The following TIAM1 variants were observed in gnomAD, a reference collection of about 807,000 sequenced individuals.
The protein encoded by TIAM1 is rho guanine nucleotide exchange factor TIAM1.
In TIAM1, 65 loss-of-function variants were observed where a neutral mutation model predicts 163.5. The observed-to-expected ratio is 0.40, with a 90% CI of 0.33 to 0.49. The LOEUF is 0.49. Ranked by LOEUF, TIAM1 falls within the 20% of genes least tolerant of loss-of-function variation. The probability of loss-of-function intolerance (pLI) is 0.77; values close to 1 mark genes in which losing one functional copy is unlikely to be tolerated. For missense variants in TIAM1, 1,789 were observed against 2,044.7 expected, an observed-to-expected ratio of 0.87 and a Z score of 2.41; for synonymous variants, 833 against 810.1, an observed-to-expected ratio of 1.03 and a Z score of -0.48.
chr21:31,260,109 T>TTTTTTTTTTTCC (rs2072371743), intron 4 of TIAM1, among the ~76,000 whole-genome samples: 1 of 110,782 alleles, frequency 9.0e-6, no homozygotes, highest in Non-Finnish European at 1.9e-5. Flanking sequence ...TAATTTTTCC[T>TTTTTTTTTTTCC]TTTTTTTTTT....
chr21:31,416,403 A>G (rs564894343), intron 2 of TIAM1, among the ~76,000 whole-genome samples: 3 of 152,234 alleles, frequency 2.0e-5, no homozygotes, highest in South Asian at 4.1e-4. Context: ...GATTGCTGAG[A>G]TTTTGGTGCA....
At chr21:31,501,172 G>T (rs560376130) in intron 1 of TIAM1, among the ~76,000 whole-genome samples, 2 of 152,096 alleles carry the variant, frequency 1.3e-5, no homozygotes, top group Non-Finnish European at 2.9e-5. Context: ...TACAGCGAAA[G>T]AAGGACCTTC....
chr21:31,319,734 C>G (rs545055585), intron 2 of TIAM1, among the ~76,000 whole-genome samples: 3 of 145,446 alleles, frequency 2.1e-5, no homozygotes, highest in Admixed American at 7.0e-5. Context: ...GAGCCGAGAT[C>G]GCACCACCAC....
intron 20 of TIAM1, among the ~76,000 whole-genome samples, chr21:31,143,729 CT>C (rs545023367): frequency 1.6e-3 from 229 of 142,934 alleles, no homozygotes; most frequent in Admixed American, 1.6e-3. Context: ...ATTCTTCTGT[CT>C]TTTTTTTTTT....
intron 2 of TIAM1, among the ~76,000 whole-genome samples, chr21:31,313,017 G>A (rs183648018): frequency 6.4e-4 from 98 of 152,202 alleles, no homozygotes; most frequent in East Asian, 2.1e-3. Context: ...CTTAAATTAC[G>A]GCAGCTACTC....
intron 6 of TIAM1, among the ~76,000 whole-genome samples, chr21:31,245,011 A>G (rs571287149): frequency 1.3e-5 from 2 of 152,344 alleles, no homozygotes; most frequent in South Asian, 4.1e-4. Flanking sequence ...AGTTCTGATC[A>G]GATGAGGAAG....
At chr21:31,353,511 C>T (rs1478695993) in intron 2 of TIAM1, among the ~76,000 whole-genome samples, 1 of 152,186 alleles carries the variant, frequency 6.6e-6, no homozygotes, top group Admixed American at 6.5e-5. Context: ...GCTGACATTT[C>T]CTGAGCACTT....
chr21:31,493,621 G>A (rs1161013359), intron 1 of TIAM1, among the ~76,000 whole-genome samples: 1 of 152,208 alleles, frequency 6.6e-6, no homozygotes, highest in Non-Finnish European at 1.5e-5. Context: ...CAGATGGCAA[G>A]ACCTGCAGGA....
At chr21:31,210,289 A>G in intron 10 of TIAM1, 74 bp from the exon 11 acceptor site, 2 of 1,504,398 alleles carry the variant, frequency 1.3e-6, no homozygotes, top group Non-Finnish European at 1.8e-6. Context: ...GACTGCACAC[A>G]GGAATCACCG....
intron 26 of TIAM1, among the ~76,000 whole-genome samples, chr21:31,126,273 G>A (rs1299586319): frequency 3.9e-5 from 5 of 126,712 alleles, no homozygotes; most frequent in Middle Eastern, 3.9e-3. Flanking sequence ...GAGTATCTAC[G>A]ATTAAATTAA....
chr21:31,478,261 A>C (rs2045998599), intron 1 of TIAM1, among the ~76,000 whole-genome samples: 1 of 152,250 alleles, frequency 6.6e-6, no homozygotes, highest in Non-Finnish European at 1.5e-5. Context: ...TAAAAGGACA[A>C]TAGAAAGTTT....
intron 2 of TIAM1, among the ~76,000 whole-genome samples, chr21:31,376,097 A>G (rs550914039): frequency 6.6e-6 from 1 of 152,306 alleles, no homozygotes; most frequent in African/African-American, 2.4e-5. Flanking sequence ...GTATATGCTT[A>G]AGGGCAAGCA....
At chr21:31,429,929 C>G (rs1206903507) in intron 2 of TIAM1, among the ~76,000 whole-genome samples, 4 of 152,104 alleles carry the variant, frequency 2.6e-5, no homozygotes, top group African/African-American at 9.7e-5. Flanking sequence ...ACAGGGGGAG[C>G]CGGGAGTGGT....
chr21:31,174,668 AG>A (rs748157384), intron 15 of TIAM1, among the ~76,000 whole-genome samples: 38 of 152,124 alleles, frequency 2.5e-4, no homozygotes, highest in Middle Eastern at 6.8e-3. Flanking sequence ...TTTTTTTGAG[AG>A]AGAGTTTCGC....
chr21:31,369,419 A>C (rs1340653007), intron 2 of TIAM1, among the ~76,000 whole-genome samples: 1 of 146,050 alleles, frequency 6.8e-6, no homozygotes, highest in East Asian at 2.7e-4. Flanking sequence ...GTAGGAGGGA[A>C]GGGAGGATAA....
At chr21:31,517,270 G>A (rs199831646) in intron 1 of TIAM1, among the ~76,000 whole-genome samples, 9,113 of 151,926 alleles carry the variant, frequency 0.06, 498 homozygotes, top group Admixed American at 0.16. Context: ...GTCATGGCTC[G>A]TGCCTGTAAT....
At chr21:31,428,607 G>A (rs1430499889) in intron 2 of TIAM1, among the ~76,000 whole-genome samples, 1 of 152,174 alleles carries the variant, frequency 6.6e-6, no homozygotes, top group African/African-American at 2.4e-5. Flanking sequence ...GAGAGACCTG[G>A]CACAGTGGCT....
chr21:31,199,532 ATTT>A (rs59602143), intron 12 of TIAM1, among the ~76,000 whole-genome samples: 173 of 139,470 alleles, frequency 1.2e-3, no homozygotes, highest in African/African-American at 4.2e-3. Flanking sequence ...AGCCTAGAAC[ATTT>A]TTTTTTTTTT....
chr21:31,364,706 T>G (rs1170551404), intron 2 of TIAM1, among the ~76,000 whole-genome samples: 1 of 152,114 alleles, frequency 6.6e-6, no homozygotes, highest in South Asian at 2.1e-4. Context: ...GATGGCTGCA[T>G]GGATTGATTG....
Sources: gnomAD v4.1 joint callset for allele counts (sites outside exome capture counted in the v4.1 genomes callset) on GRCh38, gnomAD v4.1.1 for gene constraint, MANE v1.5 for transcripts, NCBI Gene and HGNC (gene_info 2026-07-23, HGNC 2026-07-21) for gene names.